KHDRBS2: variants seen among roughly 807,000 people sequenced by gnomAD.
KHDRBS2 encodes the protein KH RNA binding domain containing, signal transduction associated 2.
KHDRBS2 carries 26 observed loss-of-function variants against 44.3 expected under a neutral mutation model. That is an observed-to-expected ratio of 0.59 (90% CI 0.43 to 0.81). The LOEUF (loss-of-function observed/expected upper bound fraction) is 0.81. KHDRBS2 is among the 40% of genes least tolerant of loss of function. The pLI, the probability that KHDRBS2 is intolerant of heterozygous loss-of-function variation, is 0.00. For synonymous variants in KHDRBS2, 194 were observed against 151.1 expected, an observed-to-expected ratio of 1.28 and a Z score of -2.08; for missense variants, 476 against 433.1, an observed-to-expected ratio of 1.10 and a Z score of -0.88.
chr6:61,700,735 C>A (rs1768519586), intron 7 of KHDRBS2, among the ~76,000 whole-genome samples: 1 of 125,028 alleles, frequency 8.0e-6, no homozygotes, highest in African/African-American at 2.7e-5. Flanking sequence ...TGCACATTTA[C>A]CTTCTCAGTT....
intron 3 of KHDRBS2, 71 bp downstream of exon 3, chr6:62,047,807 T>C: frequency 1.1e-6 from 1 of 901,342 alleles, no homozygotes; most frequent in South Asian, 1.3e-5. Context: ...TCAGGCATGC[T>C]TGTAAATTTG....
At chr6:61,973,357 G>A (rs538630789) in intron 4 of KHDRBS2, among the ~76,000 whole-genome samples, 118 of 152,144 alleles carry the variant, frequency 7.8e-4, no homozygotes, top group Middle Eastern at 3.4e-3. Context: ...AGTAATCAGT[G>A]ACATTTTCCA....
At chr6:61,813,989 A>T (rs76365904) in intron 6 of KHDRBS2, 1 of 455,822 alleles carries the variant, frequency 2.2e-6, no homozygotes, top group South Asian at 1.5e-5. Flanking sequence ...CAGTAAAAAA[A>T]GCTTCGTCCT....
At chr6:61,599,655 C>T in the KHDRBS2 span, among the ~76,000 whole-genome samples, 1 of 152,196 alleles carries the variant, frequency 6.6e-6, no homozygotes, top group Non-Finnish European at 1.5e-5. Flanking sequence ...ATTGAACTTT[C>T]CCAGGATTAG....
At chr6:61,581,202 G>A in the KHDRBS2 span, among the ~76,000 whole-genome samples, 1 of 151,136 alleles carries the variant, frequency 6.6e-6, no homozygotes, top group East Asian at 1.9e-4. Context: ...CCATGCAAAA[G>A]TGCATTGCCA....
intron 6 of KHDRBS2, among the ~76,000 whole-genome samples, chr6:61,850,885 G>T (rs1351845480): frequency 6.6e-6 from 1 of 152,120 alleles, no homozygotes. Flanking sequence ...GCTGTCACAA[G>T]TCACTACAAC....
chr6:61,546,977 A>G, the KHDRBS2 span, among the ~76,000 whole-genome samples: 6 of 152,092 alleles, frequency 3.9e-5, no homozygotes, highest in African/African-American at 1.4e-4. Flanking sequence ...TGCAAGGTTG[A>G]GACCACCTCT....
At chr6:62,088,876 C>A (rs1798939576) in intron 2 of KHDRBS2, among the ~76,000 whole-genome samples, 1 of 152,270 alleles carries the variant, frequency 6.6e-6, no homozygotes, top group South Asian at 2.1e-4. Flanking sequence ...TATCTATAAG[C>A]CCCTGACTGG....
intron 6 of KHDRBS2, among the ~76,000 whole-genome samples, chr6:61,881,789 A>C (rs1800244294): frequency 6.6e-6 from 1 of 152,038 alleles, no homozygotes. Context: ...TAAGGCACCA[A>C]CAAATTGAAT....
chr6:62,155,364 G>A (rs1816125352), intron 2 of KHDRBS2, among the ~76,000 whole-genome samples: 2 of 152,172 alleles, frequency 1.3e-5, no homozygotes, highest in African/African-American at 4.8e-5. Flanking sequence ...GAGACATTCA[G>A]GTGGAGATAT....
chr6:61,963,864 A>G (rs1465493334), intron 4 of KHDRBS2, among the ~76,000 whole-genome samples: 2 of 152,074 alleles, frequency 1.3e-5, no homozygotes, highest in Non-Finnish European at 2.9e-5. Flanking sequence ...AAATTAGAAT[A>G]ATTTCTTACC....
Position 61,871,855 on chromosome 6 carries a change from G to A in KHDRBS2, c.810+22780C>T, listed in dbSNP as rs529420745. ...TGCCTTACAAGAGCTACTGAAAGAA[G>A]CACCGCATGTTCTCACTCATAATTG... is the stretch of plus-strand genomic sequence containing the variant. On this transcript the variant is annotated intron_variant, in intron 6 of 8. Coordinates refer to ENST00000281156, the MANE Select transcript of KHDRBS2 (RefSeq NM_152688.4). Among the ~76,000 whole-genome samples, 14 of 150,448 alleles carry A rather than the reference G, an allele frequency of 9.3e-5. No homozygotes were observed. The South Asian group carries it at 2.9e-3, about 31-fold the overall frequency.
At chr6:62,007,230 G>T (rs1199742193) in intron 3 of KHDRBS2, among the ~76,000 whole-genome samples, 1 of 152,068 alleles carries the variant, frequency 6.6e-6, no homozygotes, top group Non-Finnish European at 1.5e-5. Context: ...TTAAGCAGAA[G>T]TTCCATCTTC....
At chr6:61,858,794 T>G (rs2127293233) in intron 6 of KHDRBS2, among the ~76,000 whole-genome samples, 1 of 152,060 alleles carries the variant, frequency 6.6e-6, no homozygotes, top group East Asian at 1.9e-4. Context: ...GATACTAACT[T>G]TACAATGTAA....
At chr6:62,109,008 T>A (rs1804311785) in intron 2 of KHDRBS2, among the ~76,000 whole-genome samples, 5 of 151,664 alleles carry the variant, frequency 3.3e-5, no homozygotes, top group Non-Finnish European at 7.4e-5. Context: ...AATGACGAGT[T>A]AATGGGTGCA....
chr6:62,274,886 T>C (rs1490002462), intron 1 of KHDRBS2, among the ~76,000 whole-genome samples: 1 of 152,052 alleles, frequency 6.6e-6, no homozygotes, highest in African/African-American at 2.4e-5. Context: ...TGCTTCTCTT[T>C]GATTCCCAAT....
the KHDRBS2 span, among the ~76,000 whole-genome samples, chr6:61,550,766 CTT>C: frequency 7.7e-5 from 9 of 117,036 alleles, no homozygotes; most frequent in African/African-American, 1.4e-4. Flanking sequence ...GAGATGGTAT[CTT>C]TTTTTTTTTT....
chr6:62,272,211 A>T (rs1394281396), intron 1 of KHDRBS2, among the ~76,000 whole-genome samples: 2 of 152,140 alleles, frequency 1.3e-5, no homozygotes, highest in African/African-American at 4.8e-5. Flanking sequence ...TACCATACAG[A>T]CTGGGTGTGT....
At chr6:61,678,205 T>A (rs565713680), downstream of KHDRBS2, among the ~76,000 whole-genome samples, 1 of 152,036 alleles carries the variant, frequency 6.6e-6, no homozygotes, top group African/African-American at 2.4e-5. Flanking sequence ...TCACACTAAG[T>A]CATTTCAGTT....
Sources: allele counts gnomAD v4.1 joint callset (sites outside exome capture counted in the v4.1 genomes callset), GRCh38; gene constraint gnomAD v4.1.1; transcripts MANE v1.5; gene names NCBI Gene and HGNC (gene_info 2026-07-23, HGNC 2026-07-21).